ST18: variants seen among roughly 807,000 people sequenced by gnomAD.
ST18 encodes the protein ST18 C2H2C-type zinc finger transcription factor, also known as suppression of tumorigenicity 18 protein.
ST18 carries 50 observed loss-of-function variants against 110.0 expected under a neutral mutation model. The observed-to-expected ratio is 0.45, with a 90% CI of 0.36 to 0.58. ST18 has a LOEUF of 0.58. ST18 is among the 20% of genes least tolerant of loss of function. The pLI is 0.00. For missense variants in ST18, 1,306 were observed against 1,280.1 expected, an observed-to-expected ratio of 1.02 and a Z score of -0.31; for synonymous variants, 461 against 452.4, an observed-to-expected ratio of 1.02 and a Z score of -0.24.
chr8:52,389,728 T>G (rs1838589219), intron 2 of ST18, among the ~76,000 whole-genome samples: 1 of 152,180 alleles, frequency 6.6e-6, no homozygotes, highest in African/African-American at 2.4e-5. Context: ...CAACTGGCCC[T>G]GCACGGGCCT....
chr8:52,240,893 T>C (rs2093338666), intron 2 of ST18, among the ~76,000 whole-genome samples: 1 of 152,220 alleles, frequency 6.6e-6, no homozygotes, highest in Admixed American at 6.5e-5. Context: ...GTGTATTTCT[T>C]CATCCCAGGT....
chr8:52,338,994 T>TC (rs1813570664), intron 2 of ST18, among the ~76,000 whole-genome samples: 1 of 152,148 alleles, frequency 6.6e-6, no homozygotes, highest in Admixed American at 6.5e-5. Flanking sequence ...CCCTCCCACC[T>TC]CAGCCTCCCA....
At chr8:52,334,489 A>C (rs1811123841) in intron 2 of ST18, among the ~76,000 whole-genome samples, 1 of 152,186 alleles carries the variant, frequency 6.6e-6, no homozygotes, top group Non-Finnish European at 1.5e-5. Context: ...ACCACTAGAA[A>C]ATTTAAATGT....
In ST18 at chr8:52,130,094, A is replaced by G. The variant is rs1346049601; in HGVS notation, c.2666+1864T>C. Among the ~76,000 whole-genome samples, 17 of 108,580 alleles carry G rather than the reference A, an allele frequency of 1.6e-4. No homozygotes were observed. The East Asian group carries it at 2.8e-3, about 18-fold the overall frequency. The allele number at this position is 108,580 out of a possible 152,430, so 71.2% of individuals were successfully genotyped here. A position where few individuals can be genotyped will look rare whatever the true frequency, so the allele number is the denominator to read the frequency against. ...AGAGAGAGAGAGAGAGAAAGAAAGAAAAAGAAAGAAAGAAAGAAAGAAAGA... is the reference window on the plus strand; with the variant it reads ...AGAGAGAGAGAGAGAGAAAGAAAGAGAAAGAAAGAAAGAAAGAAAGAAAGA... On this transcript the variant is annotated intron_variant, in intron 22 of 25. Transcript: ENST00000689386.
At chr8:52,226,424 A>T (rs916263673) in intron 3 of ST18, among the ~76,000 whole-genome samples, 4 of 152,196 alleles carry the variant, frequency 2.6e-5, no homozygotes, top group Non-Finnish European at 5.9e-5. Flanking sequence ...TCTACTTGTA[A>T]ACACCTACAG....
chr8:52,370,470 G>A (rs1163651798), intron 2 of ST18, among the ~76,000 whole-genome samples: 2 of 152,082 alleles, frequency 1.3e-5, no homozygotes, highest in African/African-American at 2.4e-5. Flanking sequence ...GCTTAGAGGG[G>A]GGAAGCTACA....
intron 9 of ST18, among the ~76,000 whole-genome samples, chr8:52,175,486 G>C (rs894583830): frequency 2.6e-5 from 4 of 152,118 alleles, no homozygotes; most frequent in Non-Finnish European, 5.9e-5. Context: ...AACCTCTAGG[G>C]GTATAAGGTG....
chr8:52,113,146 A>G lies in ST18; in HGVS notation c.*52T>C, dbSNP rs372851738. On this transcript the variant is annotated 3_prime_UTR_variant, in exon 26 of 26. Coordinates refer to ENST00000689386, the MANE Select transcript of ST18 (RefSeq NM_001352837.2). ...CAGTACATGAACCTCTAACAGATCC[A>G]TCTGGAGTTTACTGCTGTTGGTAAC... 1.8e-3 allele frequency: 2,861 copies of G among 1,606,876 alleles called. 9 individuals carry two copies. Among genetic ancestry groups the G allele is most frequent in the Middle Eastern group, 3.5e-3 (18 of 5,114 alleles).
At chr8:52,267,191 G>A (rs1471482398) in intron 2 of ST18, among the ~76,000 whole-genome samples, 2 of 152,020 alleles carry the variant, frequency 1.3e-5, no homozygotes, top group South Asian at 2.1e-4. Context: ...GGTTTAGCAG[G>A]TAAGACCCTA....
At chr8:52,210,052 G>A (rs1422415905) in intron 8 of ST18, 1 of 455,234 alleles carries the variant, frequency 2.2e-6, no homozygotes, top group Non-Finnish European at 4.4e-6. Context: ...GAATGACTTG[G>A]TTCCTTTAAA....
At position 52,213,865 on chromosome 8, in the gene ST18, C is replaced by A. The variant is rs1277933609; in HGVS notation, c.55+338G>T. Reference sequence around the variant, plus strand: ...ATAAACTAACAATTCTGTCTTTTCCCTTGGCCATTAAAGGTCACTTCCATA... The same window carrying A: ...ATAAACTAACAATTCTGTCTTTTCCATTGGCCATTAAAGGTCACTTCCATA... On this transcript the variant is annotated intron_variant, in intron 7 of 25. Coordinates refer to ENST00000689386, the MANE Select transcript of ST18 (RefSeq NM_001352837.2). Among the ~76,000 whole-genome samples the A allele has an allele frequency of 2.0e-5, 3 of 152,152 alleles. No homozygotes were observed. The South Asian group carries it at 6.2e-4, about 32-fold the overall frequency.
chr8:52,147,198 C>T (rs897271832), intron 16 of ST18, among the ~76,000 whole-genome samples: 16 of 152,092 alleles, frequency 1.1e-4, no homozygotes, highest in Admixed American at 9.8e-4. Context: ...TGTGAATTTG[C>T]TGGGAAATGA....
intron 2 of ST18, among the ~76,000 whole-genome samples, chr8:52,280,074 C>A (rs1373494013): frequency 1.3e-5 from 2 of 151,988 alleles, no homozygotes; most frequent in Non-Finnish European, 2.9e-5. Context: ...CCCATGGTTG[C>A]ACTGTTTAAG....
At chr8:52,289,474 C>A (rs1215752232) in intron 2 of ST18, among the ~76,000 whole-genome samples, 1 of 152,084 alleles carries the variant, frequency 6.6e-6, no homozygotes, top group Non-Finnish European at 1.5e-5. Flanking sequence ...CAAAAAACAA[C>A]AACAACCACC....
chr8:52,151,191 A>AC lies in ST18; in HGVS notation c.1807-1215dup, dbSNP rs552314520. Reference sequence around the variant, plus strand: ...TTGTTTTAACTCTTCCCTTTAAACAACCCCCCACTCCCAACCCCCAAACAG... The same window carrying AC: ...TTGTTTTAACTCTTCCCTTTAAACAACCCCCCCACTCCCAACCCCCAAACAG... On this transcript the variant is annotated intron_variant, in intron 15 of 25. Transcript: ENST00000689386. Among the ~76,000 whole-genome samples the AC allele has an allele frequency of 6.7e-5, 10 of 148,930 alleles. No individual in the cohort carries two copies. In the South Asian group the frequency reaches 2.2e-3, roughly 32 times the overall value.
chr8:52,217,003 T>C (rs1217964591), intron 6 of ST18, among the ~76,000 whole-genome samples: 1 of 152,198 alleles, frequency 6.6e-6, no homozygotes, highest in Admixed American at 6.5e-5. Context: ...CAACCTAACT[T>C]GTTCTGAAGT....
chr8:52,409,639 T>C lies in ST18; in HGVS notation c.-681A>G, dbSNP rs187642749. 1.3e-5 allele frequency: 2 copies of C among 152,352 alleles called. No homozygotes were observed. The highest frequency in any genetic ancestry group is 2.1e-4 in the South Asian group (1 of 4,832). The allele number at this position is 152,352 out of a possible 1,614,324, so 9.4% of individuals were successfully genotyped here. A position where few individuals can be genotyped will look rare whatever the true frequency, so the allele number is the denominator to read the frequency against. On this transcript the variant is annotated 5_prime_UTR_variant, in exon 1 of 26. Coordinates refer to ENST00000689386, the MANE Select transcript of ST18 (RefSeq NM_001352837.2). Reference sequence around the variant, plus strand: ...TTATTAAAAGCCATGGTTTCCGAGATGTAAAACACCCACAGTTACCTCAAT... The same window carrying C: ...TTATTAAAAGCCATGGTTTCCGAGACGTAAAACACCCACAGTTACCTCAAT...
intron 3 of ST18, among the ~76,000 whole-genome samples, chr8:52,229,532 G>A (rs1005812022): frequency 3.3e-5 from 5 of 152,140 alleles, no homozygotes; most frequent in African/African-American, 4.8e-5. Context: ...CAGCAATGGC[G>A]GGTAATGTTG....
chr8:52,283,239 A>G (rs1198528366), intron 2 of ST18, among the ~76,000 whole-genome samples: 3 of 152,216 alleles, frequency 2.0e-5, no homozygotes, highest in Non-Finnish European at 4.4e-5. Context: ...TGAGGCAAAG[A>G]TAAGGCACTC....
Sources: allele counts gnomAD v4.1 joint callset (sites outside exome capture counted in the v4.1 genomes callset), GRCh38; gene constraint gnomAD v4.1.1; transcripts MANE v1.5; gene names NCBI Gene and HGNC (gene_info 2026-07-23, HGNC 2026-07-21).